COMMD7: variants seen among roughly 807,000 people sequenced by gnomAD.
COMMD7 encodes the protein COMM domain-containing protein 7.
COMMD7 carries 28 observed loss-of-function variants against 34.8 expected under a neutral mutation model. The observed-to-expected ratio is 0.80, with a 90% CI of 0.60 to 1.10. The LOEUF (loss-of-function observed/expected upper bound fraction) is 1.10, where lower values mean the gene tolerates loss of function less well. Among genes scored for constraint, COMMD7 ranks in the 50% least tolerant of loss-of-function variants. The probability of loss-of-function intolerance (pLI) is 0.00; values close to 1 mark genes in which losing one functional copy is unlikely to be tolerated. For missense variants in COMMD7, 211 were observed against 241.6 expected (o/e 0.87, Z 0.84); for synonymous variants, 80 against 86.4 (o/e 0.93, Z 0.41).
chr20:32,732,510 T>C (rs954618610), intron 1 of COMMD7, among the ~76,000 whole-genome samples: 6 of 152,170 alleles, frequency 3.9e-5, no homozygotes, highest in African/African-American at 1.4e-4. Context: ...CTCATGCCTG[T>C]AATGCCAGCA....
At chr20:32,733,577 G>A (rs1466072587) in intron 1 of COMMD7, among the ~76,000 whole-genome samples, 1 of 151,954 alleles carries the variant, frequency 6.6e-6, no homozygotes, top group Non-Finnish European at 1.5e-5. Context: ...AAAATTAGCC[G>A]AGTGTGGTGG....
At chr20:32,721,775 A>T (rs961897191) in intron 3 of COMMD7, among the ~76,000 whole-genome samples, 1 of 152,138 alleles carries the variant, frequency 6.6e-6, no homozygotes, top group Non-Finnish European at 1.5e-5. Context: ...GGGTGCCTGT[A>T]ATGCCAGCTA....
rs114207458 is a variant in COMMD7, at chr20:32,713,335, C to T, written c.242-6575G>A. 3.0e-3 allele frequency among the ~76,000 whole-genome samples: 461 copies of T among 152,322 alleles called. 2 individuals carry two copies. The highest frequency in any genetic ancestry group is 0.011 in the African/African-American group (450 of 41,582). On this transcript the variant is annotated intron_variant, in intron 3 of 8. Coordinates refer to ENST00000278980, the MANE Select transcript of COMMD7 (RefSeq NM_053041.3). ...AAAGTGCTGGGACTACAGGCGTGCG[C>T]CAATGCGCCTGGCAACAGGCACCAA... is the stretch of plus-strand genomic sequence containing the variant.
Position 32,722,923 on chromosome 20 carries a change from G to A in COMMD7, c.241+4970C>T, listed in dbSNP as rs1168426734. Among the ~76,000 whole-genome samples the A allele has an allele frequency of 4.0e-5, 6 of 151,120 alleles. No homozygotes were observed. The East Asian group carries it at 5.9e-4, about 15-fold the overall frequency. ...TGTAGTCCCAGCTACTCGGGAGGCT[G>A]AGGCAGAATGGCGTGAACCTGGTAG... On this transcript the variant is annotated intron_variant, in intron 3 of 8. Coordinates refer to ENST00000278980, the MANE Select transcript of COMMD7 (RefSeq NM_053041.3).
chr20:32,741,142 A>AAAAC (rs1388070800), intron 1 of COMMD7, among the ~76,000 whole-genome samples: 1 of 125,894 alleles, frequency 7.9e-6, no homozygotes, highest in African/African-American at 3.2e-5. Context: ...GACTCCGTCT[A>AAAAC]AAACAAACAA....
At position 32,721,289 on chromosome 20, in the gene COMMD7, C is replaced by T. The variant is rs77913979; in HGVS notation, c.241+6604G>A. On this transcript the variant is annotated intron_variant, in intron 3 of 8. Transcript: ENST00000278980. The stretch of plus-strand genomic sequence containing the variant: ...GATCGCTGGAGACCAGCCTGGGCAA[C>T]ATAGGAAGATCCTGACTCTATTTAT... Among the ~76,000 whole-genome samples the T allele has an allele frequency of 2.4e-3, 362 of 152,180 alleles. 3 individuals carry two copies. The highest frequency in any genetic ancestry group is 8.5e-3 in the African/African-American group (352 of 41,520).
chr20:32,730,017 AAAAG>A (rs1351496966), intron 1 of COMMD7, among the ~76,000 whole-genome samples: 4 of 152,208 alleles, frequency 2.6e-5, no homozygotes, highest in Admixed American at 6.5e-5. Context: ...TGTCTCAAAA[AAAAG>A]AAAGAAAGAA....
chr20:32,708,160 G>T (rs1984212186), intron 3 of COMMD7, among the ~76,000 whole-genome samples: 1 of 152,112 alleles, frequency 6.6e-6, no homozygotes, highest in East Asian at 1.9e-4. Context: ...GTTTTGCTAG[G>T]CTCCAATTCC....
At chr20:32,708,350 C>CA (rs1383445181) in intron 3 of COMMD7, among the ~76,000 whole-genome samples, 1 of 152,106 alleles carries the variant, frequency 6.6e-6, no homozygotes, top group African/African-American at 2.4e-5. Flanking sequence ...ACCCTAAACC[C>CA]AAGTCCCCAC....
intron 3 of COMMD7, among the ~76,000 whole-genome samples, chr20:32,708,358 C>G (rs1984222312): frequency 6.6e-6 from 1 of 152,138 alleles, no homozygotes; most frequent in African/African-American, 2.4e-5. Context: ...CCCAAGTCCC[C>G]ACCCCCAACT....
Position 32,706,883 on chromosome 20 carries a change from C to T in COMMD7, c.242-123G>A, listed in dbSNP as rs1415913978. On this transcript the variant is annotated intron_variant, in intron 3 of 8. Coordinates refer to ENST00000278980, the MANE Select transcript of COMMD7 (RefSeq NM_053041.3). ...AGGAACACCCAAAGACTGGCCAGCT[C>T]CAAGATCTCAATCCAGCCATGGGGA... 2.0e-5 allele frequency: 14 copies of T among 713,054 alleles called. No individual in the cohort carries two copies. The East Asian group carries it at 3.2e-4, about 17-fold the overall frequency. The allele number at this position is 713,054 out of a possible 1,614,324, so 44.2% of individuals were successfully genotyped here. A position where few individuals can be genotyped will look rare whatever the true frequency, so the allele number is the denominator to read the frequency against.
At chr20:32,729,472 G>T (rs939791926) in intron 1 of COMMD7, among the ~76,000 whole-genome samples, 1 of 151,804 alleles carries the variant, frequency 6.6e-6, no homozygotes, top group Non-Finnish European at 1.5e-5. Context: ...CCAGCCTAGG[G>T]CTGGGGCCCT....
intron 8 of COMMD7, chr20:32,703,764 T>A (rs1388550044): frequency 5.4e-6 from 8 of 1,485,170 alleles, no homozygotes; most frequent in Non-Finnish European, 6.2e-6. Context: ...TCGTCAACCT[T>A]CTTCTTCAAT....
In COMMD7 at chr20:32,714,824, A is replaced by AAACAAC. The variant is rs55911529; in HGVS notation, c.242-8070_242-8065dup. The stretch of plus-strand genomic sequence containing the variant: ...GGGCAACAGAGTGAGACTCCATCTC[A>AAACAAC]AACAACAACAACAACAACAACAACA... On this transcript the variant is annotated intron_variant, in intron 3 of 8. Coordinates refer to ENST00000278980, the MANE Select transcript of COMMD7 (RefSeq NM_053041.3). 5.0e-3 allele frequency among the ~76,000 whole-genome samples: 694 copies of AAACAAC among 139,716 alleles called. 2 individuals are homozygous for AAACAAC. The highest frequency in any genetic ancestry group is 0.014 in the Middle Eastern group (4 of 280). 91.7% of individuals were successfully genotyped at this position (139,716 alleles called of 152,430 possible). A position where few individuals can be genotyped will look rare whatever the true frequency, so the allele number is the denominator to read the frequency against.
Position 32,714,132 on chromosome 20 carries a change from C to A in COMMD7, c.242-7372G>T, listed in dbSNP as rs368669603. On this transcript the variant is annotated intron_variant, in intron 3 of 8. Transcript: ENST00000278980. Reference sequence around the variant, plus strand: ...TGTCTTAAAAACAAAAACAAAAAAACCCCCAAAAAAGAAGGGGGAAAGTGC... The same window carrying A: ...TGTCTTAAAAACAAAAACAAAAAAAACCCCAAAAAAGAAGGGGGAAAGTGC... 2.6e-4 allele frequency among the ~76,000 whole-genome samples: 39 copies of A among 151,684 alleles called. No individual in the cohort carries two copies. In the East Asian group the frequency reaches 3.9e-3, roughly 15 times the overall value.
In COMMD7 at chr20:32,739,953, C is replaced by T. The variant is rs923743348; in HGVS notation, c.84+3355G>A. ...ATGAGACTCACTTGAACCCTGTAGG[C>T]GGAGGTTTCAGTGAGCCGAGATCAC... is the stretch of plus-strand genomic sequence containing the variant. On this transcript the variant is annotated intron_variant, in intron 1 of 8. Transcript: ENST00000278980. Among the ~76,000 whole-genome samples, 6 of 142,502 alleles carry T rather than the reference C, an allele frequency of 4.2e-5. 1 individual carries two copies. The highest frequency in any genetic ancestry group is 4.8e-4 in the East Asian group (2 of 4,144). The allele number at this position is 142,502 out of a possible 152,430, so 93.5% of individuals were successfully genotyped here.
intron 1 of COMMD7, 67 bp downstream of exon 1, chr20:32,743,241 C>G (rs1015667859): frequency 1.2e-6 from 1 of 860,372 alleles, no homozygotes; most frequent in African/African-American, 1.8e-5. Flanking sequence ...CGGACGTCCC[C>G]CCCACCCCAG....
At chr20:32,729,900 C>G (rs1200722362) in intron 1 of COMMD7, among the ~76,000 whole-genome samples, 3 of 151,814 alleles carry the variant, frequency 2.0e-5, no homozygotes, top group Non-Finnish European at 2.9e-5. Flanking sequence ...GTAATCCCAG[C>G]TACTTGGGAG....
intron 1 of COMMD7, among the ~76,000 whole-genome samples, chr20:32,732,422 C>G (rs529167558): frequency 2.0e-5 from 3 of 152,136 alleles, no homozygotes; most frequent in African/African-American, 4.8e-5. Flanking sequence ...TTATACCCCT[C>G]GACCTAGTAA....
Sources: gnomAD v4.1 joint callset for allele counts (sites outside exome capture counted in the v4.1 genomes callset) on GRCh38, gnomAD v4.1.1 for gene constraint, MANE v1.5 for transcripts, NCBI Gene and HGNC (gene_info 2026-07-23, HGNC 2026-07-21) for gene names.